Variants in ADARB2 observed in about 807,000 individuals in gnomAD.
The protein encoded by ADARB2 is inactive double-stranded RNA-specific editase B2.
In ADARB2, 25 loss-of-function variants were observed where a neutral mutation model predicts 62.2. That is an observed-to-expected ratio of 0.40 (90% CI 0.29 to 0.56). The LOEUF (loss-of-function observed/expected upper bound fraction) is 0.56, where lower values mean the gene tolerates loss of function less well. Ranked by LOEUF, ADARB2 falls within the 20% of genes least tolerant of loss-of-function variation. The pLI is 0.43. For missense variants in ADARB2, 1,071 were observed against 1,077.4 expected, an observed-to-expected ratio of 0.99 and a Z score of 0.08; for synonymous variants, 572 against 500.8, an observed-to-expected ratio of 1.14 and a Z score of -1.90.
chr10:1,468,608 C>G (rs75024485), intron 1 of ADARB2, among the ~76,000 whole-genome samples: 10,328 of 152,270 alleles, frequency 0.068, 402 homozygotes, highest in East Asian at 0.18. Context: ...GCTGGAGAAG[C>G]CTCTAGGTCT....
At chr10:1,445,290 C>G (rs1830956137) in intron 1 of ADARB2, among the ~76,000 whole-genome samples, 1 of 151,968 alleles carries the variant, frequency 6.6e-6, no homozygotes, top group East Asian at 1.9e-4. Context: ...ACCCACCCAT[C>G]TATTCATTCA....
intron 3 of ADARB2, among the ~76,000 whole-genome samples, chr10:1,328,760 G>A (rs1049356650): frequency 6.6e-6 from 1 of 152,104 alleles, no homozygotes; most frequent in Non-Finnish European, 1.5e-5. Flanking sequence ...AGATGTATGA[G>A]GCAGGAGGAT....
chr10:1,405,423 A>G (rs1179723134), intron 1 of ADARB2, among the ~76,000 whole-genome samples: 2 of 152,124 alleles, frequency 1.3e-5, no homozygotes, highest in African/African-American at 4.8e-5. Context: ...TGTGGTCAGG[A>G]GTTCGGGACC....
intron 1 of ADARB2, among the ~76,000 whole-genome samples, chr10:1,525,146 C>T (rs934391129): frequency 6.6e-6 from 1 of 152,034 alleles, no homozygotes; most frequent in Non-Finnish European, 1.5e-5. Context: ...GTACTAATAG[C>T]TGTAAAAAAA....
intron 1 of ADARB2, among the ~76,000 whole-genome samples, chr10:1,420,587 C>T (rs1832843147): frequency 7.6e-6 from 1 of 131,816 alleles, no homozygotes; most frequent in Admixed American, 8.6e-5. Context: ...TAAATGATGG[C>T]AGGTCCTCAT....
intron 1 of ADARB2, among the ~76,000 whole-genome samples, chr10:1,555,547 T>G (rs1832687080): frequency 6.6e-6 from 1 of 152,172 alleles, no homozygotes; most frequent in African/African-American, 2.4e-5. Flanking sequence ...GAGTGTGCTC[T>G]TGATAAAAAT....
intron 1 of ADARB2, among the ~76,000 whole-genome samples, chr10:1,536,239 A>C (rs557398871): frequency 2.3e-4 from 35 of 152,304 alleles, no homozygotes; most frequent in African/African-American, 8.2e-4. Context: ...TAGAAGAGAA[A>C]GAGACCGGGC....
intron 3 of ADARB2, among the ~76,000 whole-genome samples, chr10:1,341,534 A>T (rs866820887): frequency 2.5e-5 from 1 of 40,476 alleles, no homozygotes; most frequent in Non-Finnish European, 4.9e-5. Context: ...CGGCAATAAC[A>T]AGCATCCACC....
chr10:1,196,004 C>A (rs942502248), intron 8 of ADARB2, among the ~76,000 whole-genome samples: 3 of 152,106 alleles, frequency 2.0e-5, no homozygotes, highest in African/African-American at 7.2e-5. Context: ...CCCGCTGCAG[C>A]CTTTCCAGAG....
At chr10:1,523,687 G>A (rs902481363) in intron 1 of ADARB2, among the ~76,000 whole-genome samples, 2 of 144,834 alleles carry the variant, frequency 1.4e-5, no homozygotes, top group Non-Finnish European at 3.1e-5. Context: ...ATGATTTAGA[G>A]TATCACTGAA....
At chr10:1,671,913 TA>T (rs200855710) in intron 1 of ADARB2, among the ~76,000 whole-genome samples, 1,931 of 152,108 alleles carry the variant, frequency 0.013, 34 homozygotes, top group African/African-American at 0.039. Flanking sequence ...TGTCTGTACC[TA>T]AAAGCCCTTT....
intron 1 of ADARB2, among the ~76,000 whole-genome samples, chr10:1,472,047 C>A (rs558388840): frequency 6.6e-6 from 1 of 152,298 alleles, no homozygotes; most frequent in East Asian, 1.9e-4. Flanking sequence ...TCAGAGGAGA[C>A]CCTAAAGTCT....
Position 1,630,988 on chromosome 10 carries a change from CAAACAAAT to C in ADARB2, c.100+106055_100+106062del, listed in dbSNP as rs1223333419. ...ACAAACAAACAAACAAACAAACAAA[CAAACAAAT>C]AAATGAAAGAAAGAAAAAAAGAAAA... On this transcript the variant is annotated intron_variant, in intron 1 of 9. Coordinates refer to ENST00000381312, the MANE Select transcript of ADARB2 (RefSeq NM_018702.4). 2.8e-4 allele frequency among the ~76,000 whole-genome samples: 38 copies of C among 135,074 alleles called. 1 individual carries two copies. The highest frequency in any genetic ancestry group is 6.5e-4 in the African/African-American group (24 of 36,888). The allele number at this position is 135,074 out of a possible 152,430, so 88.6% of individuals were successfully genotyped here.
At chr10:1,724,307 G>T (rs1434714716) in intron 1 of ADARB2, among the ~76,000 whole-genome samples, 1 of 152,184 alleles carries the variant, frequency 6.6e-6, no homozygotes, top group Non-Finnish European at 1.5e-5. Context: ...TTCTTGCCTG[G>T]CTAATTATTC....
intron 1 of ADARB2, among the ~76,000 whole-genome samples, chr10:1,502,792 G>A (rs990329942): frequency 1.3e-5 from 2 of 152,136 alleles, no homozygotes; most frequent in African/African-American, 2.4e-5. Context: ...AAAAAGAAAC[G>A]GGATCATGTT....
intron 3 of ADARB2, among the ~76,000 whole-genome samples, chr10:1,278,903 C>T (rs767858869): frequency 6.6e-6 from 1 of 152,208 alleles, no homozygotes; most frequent in Non-Finnish European, 1.5e-5. Flanking sequence ...TGCCATAGCA[C>T]CATGAGTGAT....
intron 8 of ADARB2, among the ~76,000 whole-genome samples, chr10:1,190,618 C>T (rs1174381980): frequency 4.6e-5 from 7 of 152,170 alleles, no homozygotes; most frequent in African/African-American, 1.7e-4. Flanking sequence ...CCCTTCTTGA[C>T]TCTCCCAGCC....
intron 3 of ADARB2, among the ~76,000 whole-genome samples, chr10:1,320,430 G>A (rs186468674): frequency 1.3e-5 from 2 of 152,272 alleles, no homozygotes; most frequent in Admixed American, 6.5e-5. Flanking sequence ...TAGGGGTGTT[G>A]GGCTTACTGA....
chr10:1,524,770 G>T (rs761445350), intron 1 of ADARB2, among the ~76,000 whole-genome samples: 2 of 152,098 alleles, frequency 1.3e-5, no homozygotes, highest in Non-Finnish European at 2.9e-5. Flanking sequence ...GTGTACAGGT[G>T]CTGTGAGGGT....
Sources: allele counts gnomAD v4.1 joint callset (sites outside exome capture counted in the v4.1 genomes callset), GRCh38; gene constraint gnomAD v4.1.1; transcripts MANE v1.5; gene names NCBI Gene and HGNC (gene_info 2026-07-23, HGNC 2026-07-21).